Variants in TMEM62 observed in about 807,000 individuals in gnomAD.
TMEM62 encodes transmembrane protein 62.
In TMEM62, 41 loss-of-function variants were observed where a neutral mutation model predicts 70.4. The ratio of observed to expected loss-of-function variants is 0.58; its 90% CI spans 0.45 to 0.76. The LOEUF is 0.76. TMEM62 is among the 30% of genes least tolerant of loss of function. TMEM62 has a pLI of 0.00. For synonymous variants in TMEM62, 268 were observed against 291.0 expected, an observed-to-expected ratio of 0.92 and a Z score of 0.80; for missense variants, 688 against 788.5, an observed-to-expected ratio of 0.87 and a Z score of 1.53.
chr15:43,155,629 CT>C (rs928541107), intron 9 of TMEM62, among the ~76,000 whole-genome samples: 1 of 152,132 alleles, frequency 6.6e-6, no homozygotes, highest in Non-Finnish European at 1.5e-5. Flanking sequence ...CATAGACTCC[CT>C]TTTTTTAGCC....
intron 4 of TMEM62, among the ~76,000 whole-genome samples, chr15:43,143,664 G>T (rs2141581216): frequency 6.6e-6 from 1 of 152,316 alleles, no homozygotes; most frequent in East Asian, 1.9e-4. Context: ...GGAGAGCCCA[G>T]TTAGTCACCT....
chr15:43,158,552 T>C lies in TMEM62; in HGVS notation c.1183-2129T>C, dbSNP rs138371801. ...AGCACACTGCTGGCTCATCCCTCCA[T>C]TATCTTTTCACCTAAGGGTTTTTAG... On this transcript the variant is annotated intron_variant, in intron 9 of 13. Coordinates refer to ENST00000260403, the MANE Select transcript of TMEM62 (RefSeq NM_024956.4). Among the ~76,000 whole-genome samples, 677 of 152,324 alleles carry C rather than the reference T, an allele frequency of 4.4e-3. 4 individuals are homozygous for C. Among genetic ancestry groups the C allele is most frequent in the African/African-American group, 0.016 (649 of 41,574 alleles).
chr15:43,135,754 A>G (rs984764009), intron 3 of TMEM62, 105 bp downstream of exon 3: 6 of 1,312,282 alleles, frequency 4.6e-6, no homozygotes, highest in Non-Finnish European at 4.1e-6. Context: ...GGACATTTAC[A>G]TATACTAAAG....
intron 9 of TMEM62, 88 bp from the exon 10 acceptor site, chr15:43,160,593 T>C (rs1272435526): frequency 4.7e-5 from 32 of 676,526 alleles, no homozygotes; most frequent in Non-Finnish European, 7.4e-5. Context: ...AAAGTGTAGT[T>C]ATTAGAAACC....
intron 13 of TMEM62, chr15:43,183,956 T>C: frequency 2.8e-6 from 1 of 353,616 alleles, no homozygotes; most frequent in Non-Finnish European, 5.1e-6. Flanking sequence ...TGTGTGTGTA[T>C]ACATTTACTC....
chr15:43,147,546 T>G (rs2036832555), intron 5 of TMEM62, among the ~76,000 whole-genome samples: 1 of 152,166 alleles, frequency 6.6e-6, no homozygotes, highest in Admixed American at 6.5e-5. Flanking sequence ...AAGACCAGTA[T>G]AGAAATAAAT....
At chr15:43,152,594 C>T (rs369525439) in intron 8 of TMEM62, among the ~76,000 whole-genome samples, 7 of 152,014 alleles carry the variant, frequency 4.6e-5, no homozygotes, top group Admixed American at 6.6e-5. Flanking sequence ...AGGGTTTCAC[C>T]GCGTTGGCCA....
At chr15:43,142,112 G>T (rs995314857) in intron 4 of TMEM62, among the ~76,000 whole-genome samples, 32 of 151,734 alleles carry the variant, frequency 2.1e-4, no homozygotes, top group African/African-American at 7.8e-4. Context: ...GAGAGGATTG[G>T]ATTTCTTTGG....
chr15:43,180,661 G>A (rs1052743663), intron 12 of TMEM62: 2 of 152,180 alleles, frequency 1.3e-5, no homozygotes, highest in Non-Finnish European at 1.5e-5. Flanking sequence ...CATGGTAACC[G>A]TGATTATGTA....
At chr15:43,180,984 C>G (rs1423599866) in intron 12 of TMEM62, 197 bp from the exon 13 acceptor site, 2 of 536,252 alleles carry the variant, frequency 3.7e-6, no homozygotes, top group Non-Finnish European at 6.7e-6. Flanking sequence ...GACAATTTCA[C>G]AATCCAAAAA....
intron 3 of TMEM62, among the ~76,000 whole-genome samples, chr15:43,136,085 A>G (rs2141451062): frequency 6.6e-6 from 1 of 152,114 alleles, no homozygotes; most frequent in African/African-American, 2.4e-5. Context: ...TTTTAGCAAA[A>G]CTCATGCAGA....
intron 13 of TMEM62, among the ~76,000 whole-genome samples, chr15:43,183,095 T>C (rs1465089570): frequency 2.0e-5 from 3 of 152,228 alleles, no homozygotes; most frequent in Non-Finnish European, 4.4e-5. Flanking sequence ...TTTTAATAAA[T>C]GACTCCACCA....
At chr15:43,167,256 G>A (rs1444141141) in intron 10 of TMEM62, among the ~76,000 whole-genome samples, 2 of 151,100 alleles carry the variant, frequency 1.3e-5, no homozygotes, top group Admixed American at 6.7e-5. Context: ...CTGGCCGAGC[G>A]GGGGGCTGAC....
Position 43,133,790 on chromosome 15 carries a change from G to T in TMEM62, c.-13G>T. 7.4e-7 allele frequency: 1 copy of T among 1,356,854 alleles called. No homozygotes were observed. Among genetic ancestry groups the T allele is most frequent in the Non-Finnish European group, 9.4e-7 (1 of 1,063,898 alleles). The allele number at this position is 1,356,854 out of a possible 1,614,324, so 84.1% of individuals were successfully genotyped here. On this transcript the variant is annotated 5_prime_UTR_variant, in exon 1 of 14. Coordinates refer to ENST00000260403, the MANE Select transcript of TMEM62 (RefSeq NM_024956.4). ...CGGGATCAGCGAGGGCCGCGCCCCGGCGGGCGGGCGGCATGGCTGCAGTGC... is the reference window on the plus strand; with the variant it reads ...CGGGATCAGCGAGGGCCGCGCCCCGTCGGGCGGGCGGCATGGCTGCAGTGC...
chr15:43,145,528 C>T (rs2036568544), intron 4 of TMEM62, among the ~76,000 whole-genome samples: 1 of 151,974 alleles, frequency 6.6e-6, no homozygotes, highest in African/African-American at 2.4e-5. Flanking sequence ...TTAAAAAATA[C>T]CAAGAAGAAA....
chr15:43,142,780 C>G (rs1426577477), intron 4 of TMEM62, among the ~76,000 whole-genome samples: 1 of 151,620 alleles, frequency 6.6e-6, no homozygotes, highest in Non-Finnish European at 1.5e-5. Flanking sequence ...AGTGATCCTC[C>G]CACCTCAGCC....
At chr15:43,151,132 G>A (rs565367656) in intron 7 of TMEM62, among the ~76,000 whole-genome samples, 29 of 151,986 alleles carry the variant, frequency 1.9e-4, no homozygotes, top group Non-Finnish European at 3.8e-4. Flanking sequence ...GATCACCTGC[G>A]GTCAGGAGTT....
Position 43,148,827 on chromosome 15 carries a change from T to C in TMEM62, c.691T>C (p.Phe231Leu), listed in dbSNP as rs780031759. The C allele has an allele frequency of 6.2e-7, 1 of 1,614,064 alleles. No homozygotes were observed. The highest frequency in any genetic ancestry group is 1.3e-5 in the African/African-American group (1 of 74,930). ...RSNHTIWFGH[F>L]TTSTILSPSP... ...CAACCATACAATTTGGTTTGGACAC[T>C]TTACAACATCCACTATTCTTTCTCC... The change falls in exon 6 of 14, where the codon TTT (phenylalanine) becomes CTT (leucine). Residue 231 changes from phenylalanine to leucine, a missense_variant. By Grantham distance (22) the Phe-to-Leu change is conservative. Transcript: ENST00000260403.
chr15:43,164,581 A>G (rs2039163603), intron 10 of TMEM62, among the ~76,000 whole-genome samples: 2 of 150,182 alleles, frequency 1.3e-5, no homozygotes, highest in Admixed American at 1.3e-4. Context: ...ACTGGTCTTG[A>G]ACTCCTGGCT....
Sources: allele counts gnomAD v4.1 joint callset (sites outside exome capture counted in the v4.1 genomes callset), GRCh38; gene constraint gnomAD v4.1.1; transcripts MANE v1.5; gene names NCBI Gene and HGNC (gene_info 2026-07-23, HGNC 2026-07-21).